LAMB4: variants seen among roughly 807,000 people sequenced by gnomAD.
LAMB4 encodes the protein laminin subunit beta 4.
Under a neutral mutation model 199.2 loss-of-function variants are expected in LAMB4, and 196 were observed. The ratio of observed to expected loss-of-function variants is 0.98; its 90% confidence interval spans 0.88 to 1.11. The LOEUF (loss-of-function observed/expected upper bound fraction) is 1.11. LAMB4 is among the 50% of genes least tolerant of loss of function. The probability of loss-of-function intolerance (pLI) is 0.00; values close to 1 mark genes in which losing one functional copy is unlikely to be tolerated. For synonymous variants in LAMB4, 744 were observed against 770.6 expected (o/e 0.97, Z 0.57); for missense variants, 2,080 against 2,171.2 (o/e 0.96, Z 0.83).
At chr7:108,036,977 C>T (rs1285681416) in intron 30 of LAMB4, among the ~76,000 whole-genome samples, 1 of 151,458 alleles carries the variant, frequency 6.6e-6, no homozygotes, top group Non-Finnish European at 1.5e-5. Flanking sequence ...ATCAGACAGA[C>T]TTTAAAAAAT....
chr7:108,106,655 C>A, intron 6 of LAMB4, 83 bp from the exon 7 acceptor site: 6 of 784,090 alleles, frequency 7.7e-6, no homozygotes, highest in Non-Finnish European at 1.2e-5. Flanking sequence ...TTTCAAACCT[C>A]CCAGGCCCAA....
intron 12 of LAMB4, among the ~76,000 whole-genome samples, chr7:108,093,861 T>C (rs1180469865): frequency 6.6e-6 from 1 of 152,236 alleles, no homozygotes; most frequent in Non-Finnish European, 1.5e-5. Context: ...ATATTAAACA[T>C]TGATGTCTTT....
intron 33 of LAMB4, among the ~76,000 whole-genome samples, chr7:108,024,655 A>G (rs1317138931): frequency 6.6e-6 from 1 of 152,032 alleles, no homozygotes; most frequent in African/African-American, 2.4e-5. Context: ...CTTCACTCCT[A>G]TCCATCCATC....
Position 108,056,009 on chromosome 7 carries a change from T to TA in LAMB4, c.3380-3dup, listed in dbSNP as rs1453028011. 1.1e-5 allele frequency: 18 copies of TA among 1,598,812 alleles called. No individual in the cohort carries two copies. The highest frequency in any genetic ancestry group is 1.4e-5 in the Non-Finnish European group (16 of 1,171,636). ...TACCTGCCCTGTTACAATCACATGC[T>TA]AAAAAGGAAAACAGAAGGAGCAGAG... On this transcript the variant is annotated splice_region_variant and splice_polypyrimidine_tract_variant and intron_variant, in intron 24 of 33. Transcript: ENST00000388781.
intron 23 of LAMB4, chr7:108,062,351 G>A (rs1379900089): frequency 6.6e-6 from 1 of 152,502 alleles, no homozygotes; most frequent in Non-Finnish European, 1.5e-5. Context: ...TAAAGCAATT[G>A]GTGAGCAATA....
intron 4 of LAMB4, among the ~76,000 whole-genome samples, chr7:108,111,317 C>T (rs898300439): frequency 6.6e-6 from 1 of 152,218 alleles, no homozygotes; most frequent in Non-Finnish European, 1.5e-5. Context: ...TACTTCAGTC[C>T]GTAGCCAGCT....
the LAMB4 span, among the ~76,000 whole-genome samples, chr7:108,012,359 G>A: frequency 6.6e-6 from 1 of 152,166 alleles, no homozygotes. Flanking sequence ...TGGGATGGGG[G>A]TTAAGGGGAC....
chr7:108,042,474 T>G (rs1161851447), intron 29 of LAMB4, among the ~76,000 whole-genome samples: 1 of 151,830 alleles, frequency 6.6e-6, no homozygotes, highest in Non-Finnish European at 1.5e-5. Context: ...GTTTAGCAAC[T>G]TTGATTTTGA....
rs981726407 is a variant in LAMB4, at chr7:108,079,746, A to G, written c.1742T>C (p.Val581Ala). The G allele has an allele frequency of 3.3e-5, 53 of 1,607,692 alleles. No homozygotes were observed. Among genetic ancestry groups the G allele is most frequent in the Non-Finnish European group, 4.3e-5 (51 of 1,177,688 alleles). Residue 581 changes from valine to alanine, a missense_variant, in exon 15 of 34, where the codon GTT (valine) becomes GCT (alanine). Val to Ala is a moderately conservative substitution (Grantham distance 64). Transcript: ENST00000388781. ...GTTCCCAGGAACTGGCTCTCCTAAA[A>G]CAACGTGAACAGCAGGACTCTGGCC... ...TFGQSPAVHVVLGEPVPGNPV... is the reference protein window; with the variant it reads ...TFGQSPAVHVALGEPVPGNPV...
intron 17 of LAMB4, among the ~76,000 whole-genome samples, chr7:108,074,062 G>A (rs1316356462): frequency 6.6e-6 from 1 of 152,080 alleles, no homozygotes; most frequent in African/African-American, 2.4e-5. Context: ...AGCTCCAGGT[G>A]GGATCAGCCT....
chr7:108,065,635 T>C lies in LAMB4; in HGVS notation c.2836+127A>G, dbSNP rs1025734659. ...TTCAATAAAGCAGCTATTTATCACA[T>C]TGTGTCTTCTTACCATTTCTGCACC... On this transcript the variant is annotated intron_variant, in intron 21 of 33. Coordinates refer to ENST00000388781, the MANE Select transcript of LAMB4 (RefSeq NM_007356.3). The C allele has an allele frequency of 1.1e-5, 7 of 650,002 alleles. No individual in the cohort carries two copies. The South Asian group carries it at 2.1e-4, about 19-fold the overall frequency. The allele number at this position is 650,002 out of a possible 1,614,324, so 40.3% of individuals were successfully genotyped here. A position where few individuals can be genotyped will look rare whatever the true frequency, so the allele number is the denominator to read the frequency against.
intron 30 of LAMB4, among the ~76,000 whole-genome samples, chr7:108,035,307 G>A (rs1411461636): frequency 1.3e-5 from 2 of 152,154 alleles, no homozygotes; most frequent in Non-Finnish European, 2.9e-5. Context: ...TTGGGAGGCT[G>A]AGGCAGGTGG....
intron 24 of LAMB4, among the ~76,000 whole-genome samples, chr7:108,056,533 A>T (rs2035991832): frequency 6.6e-6 from 1 of 152,234 alleles, no homozygotes; most frequent in African/African-American, 2.4e-5. Context: ...TACTGACTCC[A>T]CACGGTACTT....
At chr7:108,076,328 A>C (rs973863429) in intron 17 of LAMB4, among the ~76,000 whole-genome samples, 2 of 152,052 alleles carry the variant, frequency 1.3e-5, no homozygotes, top group Non-Finnish European at 2.9e-5. Context: ...CCATTGCCCC[A>C]CTCTGTGGGG....
Position 108,063,979 on chromosome 7 carries a change from T to C in LAMB4, c.2843A>G (p.Gln948Arg). 3 of 1,612,554 alleles carry C rather than the reference T, an allele frequency of 1.9e-6. No homozygotes were observed. Among genetic ancestry groups the C allele is most frequent in the Non-Finnish European group, 2.5e-6 (3 of 1,178,612 alleles). Reference sequence around the variant, plus strand: ...GAAACCAGTAGAGCATTCTCCACACTGAGTACCTGAAAGAAAGTGGGAGGA... The same window carrying C: ...GAAACCAGTAGAGCATTCTCCACACCGAGTACCTGAAAGAAAGTGGGAGGA... ...CNCLQGYTGTQCGECSTGFYG... is the reference protein window; with the variant it reads ...CNCLQGYTGTRCGECSTGFYG... Residue 948 changes from glutamine (Q) to arginine (R), a missense_variant, in exon 22 of 34, where the codon CAG becomes CGG. Coordinates refer to ENST00000388781, the MANE Select transcript of LAMB4 (RefSeq NM_007356.3).
chr7:108,022,973 A>G (rs2034723406), downstream of LAMB4, among the ~76,000 whole-genome samples: 1 of 151,842 alleles, frequency 6.6e-6, no homozygotes, highest in African/African-American at 2.4e-5. Context: ...CACCATGCCC[A>G]GCTGATTTTT....
chr7:108,095,326 T>G lies in LAMB4; in HGVS notation c.1372A>C (p.Asn458His). Residue 458 changes from asparagine to histidine, a missense_variant, in exon 12 of 34, where the codon AAC becomes CAC. By Grantham distance (68) the Asn-to-His change is moderately conservative. Coordinates refer to ENST00000388781, the MANE Select transcript of LAMB4 (RefSeq NM_007356.3). Reference protein sequence around the residue: ...DPLGCQPCDCNPLGSLPFLTC... With the variant: ...DPLGCQPCDCHPLGSLPFLTC... ...AAGAATGGCAGACTCCCAAGGGGGT[T>G]ACAGTCGCAGGCTGAAAGCACAGCA... The G allele has an allele frequency of 6.2e-7, 1 of 1,613,080 alleles. No homozygotes were observed. Among genetic ancestry groups the G allele is most frequent in the South Asian group, 1.1e-5 (1 of 91,036 alleles).
intron 14 of LAMB4, among the ~76,000 whole-genome samples, chr7:108,090,116 G>A (rs1391945096): frequency 6.6e-6 from 1 of 152,170 alleles, no homozygotes; most frequent in Non-Finnish European, 1.5e-5. Flanking sequence ...TATTTGGAGA[G>A]TTAAATGAGA....
chr7:108,103,293 C>T, intron 9 of LAMB4, 61 bp from the exon 10 acceptor site: 3 of 1,372,316 alleles, frequency 2.2e-6, no homozygotes, highest in Non-Finnish European at 3.0e-6. Flanking sequence ...CAGCCAGTGC[C>T]CCCGCACTGG....
Sources: allele counts gnomAD v4.1 joint callset (sites outside exome capture counted in the v4.1 genomes callset), GRCh38; gene constraint gnomAD v4.1.1; transcripts MANE v1.5; gene names NCBI Gene and HGNC (gene_info 2026-07-23, HGNC 2026-07-21).